LITAF: variants seen among roughly 807,000 people sequenced by gnomAD.
LITAF encodes lipopolysaccharide induced TNF factor.
LITAF carries 9 observed loss-of-function variants against 14.5 expected under a neutral mutation model. The ratio of observed to expected loss-of-function variants is 0.62; its 90% CI spans 0.37 to 1.08. The LOEUF is 1.08. LITAF is among the 50% of genes least tolerant of loss of function. The pLI is 0.01. For synonymous variants in LITAF, 98 were observed against 88.2 expected (o/e 1.11, Z -0.62); for missense variants, 206 against 213.4 (o/e 0.97, Z 0.22).
Position 11,634,798 on chromosome 16 carries a change from G to A in LITAF, c.-21+1027C>T, listed in dbSNP as rs974943006. Among the ~76,000 whole-genome samples, 10 of 152,122 alleles carry A rather than the reference G, an allele frequency of 6.6e-5. No individual in the cohort carries two copies. The highest frequency in any genetic ancestry group is 2.4e-4 in the African/African-American group (10 of 41,410). On this transcript the variant is annotated intron_variant, in intron 2 of 3. Transcript: ENST00000574848. This position sits in a 1 kb window ranked among gnomAD's most constrained non-coding sequence, Gnocchi z 4.1. Reference sequence around the variant, plus strand: ...ATCTGTAATCCCAGCACTTTGGGAGGCCAAGGCGGTAGATCACTTGAGGTG... The same window carrying A: ...ATCTGTAATCCCAGCACTTTGGGAGACCAAGGCGGTAGATCACTTGAGGTG...
intron 3 of LITAF, among the ~76,000 whole-genome samples, chr16:11,552,742 G>A (rs1464592085): frequency 6.6e-6 from 1 of 152,080 alleles, no homozygotes; most frequent in Non-Finnish European, 1.5e-5. Context: ...GGGGAGCGTG[G>A]TGCTCCTAGC....
chr16:11,591,242 A>G (rs1329039188), upstream of LITAF, among the ~76,000 whole-genome samples: 1 of 117,796 alleles, frequency 8.5e-6, no homozygotes, highest in Non-Finnish European at 1.7e-5. Context: ...GGGATGTAGT[A>G]GTGCCATCAT....
intron 1 of LITAF, among the ~76,000 whole-genome samples, chr16:11,593,964 G>A (rs994505965): frequency 6.6e-6 from 1 of 152,100 alleles, no homozygotes; most frequent in Non-Finnish European, 1.5e-5. Flanking sequence ...GTTGCTTGAG[G>A]TCGGGAGTTT....
chr16:11,606,134 A>G (rs527757075), intron 3 of LITAF, among the ~76,000 whole-genome samples: 1 of 152,116 alleles, frequency 6.6e-6, no homozygotes, highest in East Asian at 1.9e-4. Context: ...TATCCGTCCC[A>G]CATGGTTCCC....
At chr16:11,591,141 C>A (rs2064843759), upstream of LITAF, among the ~76,000 whole-genome samples, 1 of 118,694 alleles carries the variant, frequency 8.4e-6, no homozygotes, top group Non-Finnish European at 1.7e-5. Flanking sequence ...ATAGCCAAAA[C>A]AATCTTGAAA....
At chr16:11,616,135 C>T (rs1041080087) in intron 3 of LITAF, among the ~76,000 whole-genome samples, 2 of 152,152 alleles carry the variant, frequency 1.3e-5, no homozygotes, top group African/African-American at 2.4e-5. Context: ...CTTCCAGACC[C>T]CACCCTATGC....
intron 1 of LITAF, among the ~76,000 whole-genome samples, chr16:11,576,256 G>A (rs2064630577): frequency 6.6e-6 from 1 of 152,040 alleles, no homozygotes; most frequent in Non-Finnish European, 1.5e-5. Context: ...ATCACTTGAG[G>A]TCAGGAGTTC....
At chr16:11,554,207 G>T (rs2064231055) in intron 2 of LITAF, among the ~76,000 whole-genome samples, 1 of 152,092 alleles carries the variant, frequency 6.6e-6, no homozygotes, top group Non-Finnish European at 1.5e-5. Flanking sequence ...TCTCCAGCCT[G>T]GACAACAGAG....
At chr16:11,566,453 A>C (rs1434269767) in intron 1 of LITAF, among the ~76,000 whole-genome samples, 1 of 152,206 alleles carries the variant, frequency 6.6e-6, no homozygotes, top group Non-Finnish European at 1.5e-5. Flanking sequence ...ACCAAGATCC[A>C]TCTGGAAAGG....
intron 3 of LITAF, among the ~76,000 whole-genome samples, chr16:11,618,266 T>C (rs1016029336): frequency 1.3e-5 from 2 of 152,254 alleles, no homozygotes; most frequent in Non-Finnish European, 2.9e-5. Context: ...CATTCCGTTC[T>C]GCCACTGTGC....
upstream of LITAF, among the ~76,000 whole-genome samples, chr16:11,637,938 CTATATATCTA>C (rs1462846309): frequency 1.7e-3 from 129 of 74,782 alleles, 29 homozygotes; most frequent in Non-Finnish European, 2.3e-3. Flanking sequence ...ATATCTATAT[CTATATATCTA>C]TATATATCTA....
upstream of LITAF, among the ~76,000 whole-genome samples, chr16:11,601,741 G>A (rs944166631): frequency 7.9e-5 from 12 of 152,052 alleles, no homozygotes; most frequent in African/African-American, 2.7e-4. Flanking sequence ...TGCATTTTTT[G>A]TAGAGACGGG....
intron 3 of LITAF, among the ~76,000 whole-genome samples, chr16:11,619,146 A>ACCC (rs2065035004): frequency 1.3e-5 from 2 of 151,706 alleles, no homozygotes; most frequent in African/African-American, 4.8e-5. Context: ...CCCCTTCTCT[A>ACCC]CTAAAAATAC....
At chr16:11,639,123 G>A (rs1018573026), upstream of LITAF, among the ~76,000 whole-genome samples, 2 of 151,434 alleles carry the variant, frequency 1.3e-5, no homozygotes, top group African/African-American at 4.9e-5. Context: ...ATGGTTAGAG[G>A]GAGACAGGAA....
At chr16:11,600,578 GC>G (rs983223407), upstream of LITAF, among the ~76,000 whole-genome samples, 2 of 152,138 alleles carry the variant, frequency 1.3e-5, no homozygotes, top group African/African-American at 4.8e-5. The surrounding 1 kb of genome is among the most constrained non-coding windows in gnomAD (Gnocchi z 4.1). Context: ...CCTCTAGCTG[GC>G]CCCCACCCTT....
intron 3 of LITAF, among the ~76,000 whole-genome samples, chr16:11,610,656 G>A (rs992260677): frequency 1.3e-5 from 2 of 152,118 alleles, no homozygotes; most frequent in South Asian, 2.1e-4. Context: ...AAAAACCATC[G>A]CCCAGTGGTC....
upstream of LITAF, among the ~76,000 whole-genome samples, chr16:11,639,919 C>T (rs1026597072): frequency 6.6e-6 from 1 of 152,110 alleles, no homozygotes; most frequent in Non-Finnish European, 1.5e-5. Context: ...GGAGTACAGG[C>T]GAGAGCCACC....
At chr16:11,629,176 T>A (rs1291227765) in intron 3 of LITAF, 1 of 151,174 alleles carries the variant, frequency 6.6e-6, no homozygotes, top group Non-Finnish European at 1.5e-5. Context: ...CTAACAGGCA[T>A]CAGATGAGGA....
chr16:11,638,701 CAAAAAAAAAAAAAAAAAAAAA>C (rs57170972), upstream of LITAF, among the ~76,000 whole-genome samples: 2,770 of 75,884 alleles, frequency 0.037, 147 homozygotes, highest in East Asian at 0.27. Flanking sequence ...GACTCTGTCT[CAAAAAAAAAAAAAAAAAAAAA>C]AAAAAAAAAA....
Sources: allele counts gnomAD v4.1 joint callset (sites outside exome capture counted in the v4.1 genomes callset), GRCh38; gene constraint gnomAD v4.1.1; non-coding constraint Gnocchi (gnomAD v3.1); transcripts MANE v1.5; gene names NCBI Gene and HGNC (gene_info 2026-07-23, HGNC 2026-07-21).